The following NR2C2AP variants were observed in gnomAD, a reference collection of about 807,000 sequenced individuals.
The protein encoded by NR2C2AP is nuclear receptor 2C2-associated protein.
In NR2C2AP, 13 loss-of-function variants were observed where a neutral mutation model predicts 19.1. That is an observed-to-expected ratio of 0.68 (90% CI 0.44 to 1.08). The LOEUF (loss-of-function observed/expected upper bound fraction) is 1.08. NR2C2AP is among the 50% of genes least tolerant of loss of function. NR2C2AP has a pLI of 0.00. For missense variants in NR2C2AP, 181 were observed against 172.7 expected (o/e 1.05, Z -0.27); for synonymous variants, 81 against 64.4 (o/e 1.26, Z -1.23).
rs1485605915 is a variant in NR2C2AP, at chr19:19,203,304, G to A, written c.-244C>T. ...GGAAACCGCCAATGCCCGGAGGCCA[G>A]GCCTTTCACAGGAAACAGATTTCCC... On this transcript the variant is annotated 5_prime_UTR_variant, in exon 1 of 5. Transcript: ENST00000331552. The A allele has an allele frequency of 1.7e-6, 1 of 582,258 alleles. No homozygotes were observed. The highest frequency in any genetic ancestry group is 3.1e-6 in the Non-Finnish European group (1 of 325,396). 36.1% of individuals were successfully genotyped at this position (582,258 alleles called of 1,614,324 possible). A position where few individuals can be genotyped will look rare whatever the true frequency, so the allele number is the denominator to read the frequency against.
At position 19,203,402 on chromosome 19, in the gene NR2C2AP, G is replaced by A. The variant is rs894514854; in HGVS notation, c.-342C>T. On this transcript the variant is annotated 5_prime_UTR_variant, in exon 1 of 5. Coordinates refer to ENST00000331552, the MANE Select transcript of NR2C2AP (RefSeq NM_176880.6). Reference sequence around the variant, plus strand: ...AATAGCTCTTGGAGCCAAATCTTGGGACCCGGAACCGCGTGGGCTTGGCGC... The same window carrying A: ...AATAGCTCTTGGAGCCAAATCTTGGAACCCGGAACCGCGTGGGCTTGGCGC... 28 of 413,578 alleles carry A rather than the reference G, an allele frequency of 6.8e-5. No homozygotes were observed. Among genetic ancestry groups the A allele is most frequent in the Middle Eastern group, 1.4e-3 (2 of 1,394 alleles). The allele number at this position is 413,578 out of a possible 1,614,324, so 25.6% of individuals were successfully genotyped here.
intron 1 of NR2C2AP, 23 bp downstream of exon 1, chr19:19,203,000 T>A: frequency 6.2e-7 from 1 of 1,614,072 alleles, no homozygotes; most frequent in Admixed American, 1.7e-5. Flanking sequence ...GCCTCGCCAC[T>A]GCCTGTCCCC....
In NR2C2AP at chr19:19,203,292, G is replaced by T. The variant is rs1192878510; in HGVS notation, c.-232C>A. The T allele has an allele frequency of 1.3e-5, 8 of 595,818 alleles. No individual in the cohort carries two copies. The highest frequency in any genetic ancestry group is 3.7e-5 in the African/African-American group (2 of 53,966). 36.9% of individuals were successfully genotyped at this position (595,818 alleles called of 1,614,324 possible). A position where few individuals can be genotyped will look rare whatever the true frequency, so the allele number is the denominator to read the frequency against. On this transcript the variant is annotated 5_prime_UTR_variant, in exon 1 of 5. Transcript: ENST00000331552. ...AGAGAGGATCAGGGAAACCGCCAAT[G>T]CCCGGAGGCCAGGCCTTTCACAGGA...
intron 4 of NR2C2AP, 108 bp downstream of exon 4, chr19:19,202,223 T>C: frequency 8.0e-7 from 1 of 1,246,012 alleles, no homozygotes; most frequent in Non-Finnish European, 1.2e-6. Flanking sequence ...AGTGGAGTCC[T>C]AGAGGTCACG....
chr19:19,202,926 T>C, intron 1 of NR2C2AP, 45 bp from the exon 2 acceptor site: 1 of 1,608,104 alleles, frequency 6.2e-7, no homozygotes, highest in Non-Finnish European at 8.5e-7. Flanking sequence ...TGAGACCAGC[T>C]CTCAGCTCCG....
In NR2C2AP at chr19:19,201,552, C is replaced by T. The variant is rs1477271653; in HGVS notation, c.*373G>A. The T allele has an allele frequency of 6.2e-7, 1 of 1,606,630 alleles. No homozygotes were observed. Among genetic ancestry groups the T allele is most frequent in the Non-Finnish European group, 8.5e-7 (1 of 1,179,868 alleles). On this transcript the variant is annotated 3_prime_UTR_variant, in exon 5 of 5. Coordinates refer to ENST00000331552, the MANE Select transcript of NR2C2AP (RefSeq NM_176880.6). ...TGTAATGCAGGTCTCTGCAAGGGTC[C>T]CTGTTTGTCCCCTAAGGGGAGAGCG...
Position 19,202,822 on chromosome 19 carries a change from T to C in NR2C2AP, c.98A>G (p.Gln33Arg). ...RQFGKKHLFDQDEETCWNSDQ... is the reference protein window; with the variant it reads ...RQFGKKHLFDRDEETCWNSDQ... ...TGAGTTCCAACATGTCTCCTCATCC[T>C]GGTCGAAAAGATGTTTTTTTCCAAA... is the stretch of plus-strand genomic sequence containing the variant. The change falls in exon 2 of 5, where the codon CAG becomes CGG. Residue 33 changes from glutamine (Q) to arginine (R), a missense_variant. Gln to Arg is a conservative substitution (Grantham distance 43). Transcript: ENST00000331552. 1 of 1,613,912 alleles carries C rather than the reference T, an allele frequency of 6.2e-7. No individual in the cohort carries two copies. The highest frequency in any genetic ancestry group is 1.1e-5 in the South Asian group (1 of 91,084).
rs781306569 is a variant in NR2C2AP, at chr19:19,202,545, G to A, written c.160C>T (p.Pro54Ser). The A allele has an allele frequency of 2.2e-5, 36 of 1,613,472 alleles. No homozygotes were observed. In the African/African-American group the frequency reaches 3.7e-4, roughly 17 times the overall value. ...GPSQWVTLEFPQLIRVSQLQI... is the reference protein window; with the variant it reads ...GPSQWVTLEFSQLIRVSQLQI... ...AGCTGGGAGACACGGATGAGCTGGGGAAACTCCAGCGTCACCCACTGGGAG... is the reference window on the plus strand; with the variant it reads ...AGCTGGGAGACACGGATGAGCTGGGAAAACTCCAGCGTCACCCACTGGGAG... The change falls in exon 3 of 5, where the codon CCC becomes TCC. Residue 54 changes from proline to serine, a missense_variant. By Grantham distance (74) the Pro-to-Ser change is moderately conservative (BLOSUM62 -1). Transcript: ENST00000331552.
At position 19,201,867 on chromosome 19, in the gene NR2C2AP, T is replaced by G; in HGVS notation, c.*58A>C. On this transcript the variant is annotated 3_prime_UTR_variant, in exon 5 of 5. Coordinates refer to ENST00000331552, the MANE Select transcript of NR2C2AP (RefSeq NM_176880.6). ...GAACCAATAAACCTTCTGTGCAGAA[T>G]GAGGGACTTTGCTGTGCTTCCCGGA... 6.2e-7 allele frequency: 1 copy of G among 1,613,124 alleles called. No homozygotes were observed. The highest frequency in any genetic ancestry group is 2.2e-5 in the East Asian group (1 of 44,870).
chr19:19,203,003 C>G lies in NR2C2AP; in HGVS notation c.38+20G>C, dbSNP rs575643409. ...CCCAGGCTTAGGGCCTCGCCACTGC[C>G]TGTCCCCACAGACTCTTACCTGCTC... On this transcript the variant is annotated intron_variant, in intron 1 of 4. Transcript: ENST00000331552. 3.7e-6 allele frequency: 6 copies of G among 1,614,174 alleles called. No individual in the cohort carries two copies. The South Asian group carries it at 5.5e-5, about 15-fold the overall frequency.
intron 4 of NR2C2AP, 117 bp downstream of exon 4, chr19:19,202,214 G>C (rs1478167437): frequency 1.7e-6 from 2 of 1,203,732 alleles, no homozygotes; most frequent in African/African-American, 1.5e-5. Flanking sequence ...TACAGAAAAA[G>C]TGGAGTCCTA....
chr19:19,203,175 C>T lies in NR2C2AP; in HGVS notation c.-115G>A. 1 of 1,042,794 alleles carries T rather than the reference C, an allele frequency of 9.6e-7. No homozygotes were observed. The highest frequency in any genetic ancestry group is 1.3e-5 in the South Asian group (1 of 74,948). 64.6% of individuals were successfully genotyped at this position (1,042,794 alleles called of 1,614,324 possible). ...CTTGGCTACGCCTTGGCCTGAACGT[C>T]CTCACCTGTAACTTGGGACGAGAAC... On this transcript the variant is annotated 5_prime_UTR_variant, in exon 1 of 5. Transcript: ENST00000331552.
Position 19,203,408 on chromosome 19 carries a change from G to C in NR2C2AP, c.-348C>G, listed in dbSNP as rs941229823. 7 of 400,744 alleles carry C rather than the reference G, an allele frequency of 1.7e-5. No individual in the cohort carries two copies. The highest frequency in any genetic ancestry group is 1.4e-4 in the African/African-American group (7 of 49,052). The allele number at this position is 400,744 out of a possible 1,614,324, so 24.8% of individuals were successfully genotyped here. A position where few individuals can be genotyped will look rare whatever the true frequency, so the allele number is the denominator to read the frequency against. On this transcript the variant is annotated 5_prime_UTR_variant, in exon 1 of 5. Coordinates refer to ENST00000331552, the MANE Select transcript of NR2C2AP (RefSeq NM_176880.6). Reference sequence around the variant, plus strand: ...TCTTGGAGCCAAATCTTGGGACCCGGAACCGCGTGGGCTTGGCGCATGCGT... The same window carrying C: ...TCTTGGAGCCAAATCTTGGGACCCGCAACCGCGTGGGCTTGGCGCATGCGT...
intron 1 of NR2C2AP, 23 bp from the exon 2 acceptor site, chr19:19,202,904 G>T (rs1359282220): frequency 1.9e-6 from 3 of 1,610,994 alleles, no homozygotes; most frequent in Non-Finnish European, 2.5e-6. Flanking sequence ...GGATCAAGGC[G>T]AAGAGAGGGG....
chr19:19,201,842 G>A lies in NR2C2AP; in HGVS notation c.*83C>T, dbSNP rs1427134225. ...GGTGGGAGGGGACCCTTCCCAAGAG[G>A]AACCAATAAACCTTCTGTGCAGAAT... On this transcript the variant is annotated 3_prime_UTR_variant, in exon 5 of 5. Transcript: ENST00000331552. 7.4e-6 allele frequency: 12 copies of A among 1,611,430 alleles called. No individual in the cohort carries two copies. Among genetic ancestry groups the A allele is most frequent in the South Asian group, 2.2e-5 (2 of 90,774 alleles).
chr19:19,202,611 C>A (rs763508283), intron 2 of NR2C2AP, 36 bp from the exon 3 acceptor site: 27 of 1,558,546 alleles, frequency 1.7e-5, no homozygotes, highest in Non-Finnish European at 2.2e-5. Flanking sequence ...CGCAAGCTCA[C>A]TGCAGGCACA....
Position 19,201,725 on chromosome 19 carries a change from G to A in NR2C2AP, c.*200C>T, listed in dbSNP as rs577525380. ...TGCCCGCTGACCCTGAGTGAAGGCC[G>A]CCTGCCGGGGACTCAGACACTCAGG... On this transcript the variant is annotated 3_prime_UTR_variant, in exon 5 of 5. Coordinates refer to ENST00000331552, the MANE Select transcript of NR2C2AP (RefSeq NM_176880.6). 4.0e-5 allele frequency: 65 copies of A among 1,613,840 alleles called. No homozygotes were observed. The East Asian group carries it at 1.1e-3, about 28-fold the overall frequency.
In NR2C2AP at chr19:19,202,869, C is replaced by T; in HGVS notation, c.51G>A (p.Val17=). 6.2e-7 allele frequency: 1 copy of T among 1,613,732 alleles called. No homozygotes were observed. The highest frequency in any genetic ancestry group is 8.5e-7 in the Non-Finnish European group (1 of 1,179,992). ...CPETVSRVSS[V]LNRNTRQFGK... is the part of the protein sequence containing the mutation. ...CAAACTGCCGAGTGTTGCGATTCAG[C>T]ACTGAACTCACCCTGGAGGCACCAG... Residue 17 remains valine (V), a synonymous_variant, in exon 2 of 5, where the codon GTG becomes GTA. Transcript: ENST00000331552.
chr19:19,201,954 G>A lies in NR2C2AP; in HGVS notation c.391C>T (p.His131Tyr), dbSNP rs770214426. Residue 131 changes from histidine (H) to tyrosine (Y), a missense_variant, in exon 5 of 5, where the codon CAC becomes TAC. By Grantham distance (83) the His-to-Tyr change is moderately conservative (BLOSUM62 2). Transcript: ENST00000331552. ...ACCTTCTCCCCAAGCACCCGCAGGT[G>A]GTAGATGACCACACGGCCAAAAAAG... ...TDFFGRVVIY[H>Y]LRVLGEKV The A allele has an allele frequency of 2.5e-6, 4 of 1,614,192 alleles. No homozygotes were observed. The highest frequency in any genetic ancestry group is 3.4e-6 in the Non-Finnish European group (4 of 1,180,026).
Sources: gnomAD v4.1 joint callset for allele counts on GRCh38, gnomAD v4.1.1 for gene constraint, MANE v1.5 for transcripts, NCBI Gene and HGNC (gene_info 2026-07-23, HGNC 2026-07-21) for gene names.